The following TARBP1 variants were observed in gnomAD, a reference collection of about 807,000 sequenced individuals.
The protein encoded by TARBP1 is tRNA (guanosine(18)-2'-O)-methyltransferase TARBP1.
In TARBP1, 144 loss-of-function variants were observed where a neutral mutation model predicts 178.6. The observed-to-expected ratio is 0.81, with a 90% CI of 0.70 to 0.93. TARBP1 has a LOEUF of 0.93. Among genes scored for constraint, TARBP1 ranks in the 40% least tolerant of loss-of-function variants. The pLI, the probability that TARBP1 is intolerant of heterozygous loss-of-function variation, is 0.00. For missense variants in TARBP1, 2,067 were observed against 2,011.7 expected (o/e 1.03, Z -0.53); for synonymous variants, 787 against 781.0 (o/e 1.01, Z -0.13).
At chr1:234,443,254 C>A (rs1414520415) in intron 12 of TARBP1, among the ~76,000 whole-genome samples, 1 of 148,532 alleles carries the variant, frequency 6.7e-6, no homozygotes, top group African/African-American at 2.5e-5. Context: ...CGCACCATTG[C>A]ACTCCAGCCT....
Position 234,410,563 on chromosome 1 carries a change from T to C in TARBP1, c.3706-32A>G, listed in dbSNP as rs770644057. ...AAATAATCAGATAAACAAATATTGA[T>C]TCAAAGCTTACTGTGAAACATGCAC... On this transcript the variant is annotated intron_variant, in intron 22 of 29. Coordinates refer to ENST00000040877, the MANE Select transcript of TARBP1 (RefSeq NM_005646.4). 2.2e-6 allele frequency: 3 copies of C among 1,350,476 alleles called. No homozygotes were observed. In the Admixed American group the frequency reaches 5.6e-5, roughly 25 times the overall value. The allele number at this position is 1,350,476 out of a possible 1,614,324, so 83.7% of individuals were successfully genotyped here.
chr1:234,447,224 G>A lies in TARBP1; in HGVS notation c.1962-249C>T, dbSNP rs578015219. On this transcript the variant is annotated intron_variant, in intron 11 of 29. Coordinates refer to ENST00000040877, the MANE Select transcript of TARBP1 (RefSeq NM_005646.4). ...TTCAATGCCAGGCACCAGCAGGAAG[G>A]AAATCCTATACCCAATTAATGTGTA... Among the ~76,000 whole-genome samples the A allele has an allele frequency of 4.7e-3, 712 of 151,412 alleles. 5 individuals carry two copies. Among genetic ancestry groups the A allele is most frequent in the Non-Finnish European group, 7.6e-3 (516 of 67,934 alleles).
chr1:234,414,900 C>A (rs1662242728), intron 22 of TARBP1, among the ~76,000 whole-genome samples: 1 of 152,102 alleles, frequency 6.6e-6, no homozygotes, highest in African/African-American at 2.4e-5. Flanking sequence ...AGGAGAATTG[C>A]TTAAAGCTGG....
Position 234,478,346 on chromosome 1 carries a change from CGCGCGCCGCGG to C in TARBP1, c.747_757del (p.Ala252GlyfsTer64), listed in dbSNP as rs1052251665. ...GCGCCGGGCGTCCGGGCCCGCCTCG[CGCGCGCCGCGG>C]GCGCGGTCGCCGCCGGGCTCGGGCA... On this transcript the variant is annotated frameshift_variant, in exon 1 of 30. Coordinates refer to ENST00000040877, the MANE Select transcript of TARBP1 (RefSeq NM_005646.4). LOFTEE classifies it high-confidence loss of function. The C allele has an allele frequency of 3.1e-6, 4 of 1,275,618 alleles. No individual in the cohort carries two copies. The highest frequency in any genetic ancestry group is 3.1e-5 in the African/African-American group (2 of 63,792). The allele number at this position is 1,275,618 out of a possible 1,614,324, so 79.0% of individuals were successfully genotyped here.
intron 14 of TARBP1, among the ~76,000 whole-genome samples, chr1:234,432,434 C>G (rs1664548751): frequency 6.6e-6 from 1 of 152,064 alleles, no homozygotes; most frequent in Non-Finnish European, 1.5e-5. Context: ...GAGCGAGACT[C>G]TGTTCAAAAA....
Position 234,429,440 on chromosome 1 carries a change from A to G in TARBP1, c.2847T>C (p.His949=). The change falls in exon 16 of 30, where the codon CAT becomes CAC. Residue 949 remains histidine, a synonymous_variant. Coordinates refer to ENST00000040877, the MANE Select transcript of TARBP1 (RefSeq NM_005646.4). ...LSSDQVLPVF[H]CLKVLVPKLL... is the part of the protein sequence containing the mutation. ...CCTTGGGAACCAACACTTTCAAGCAATGGAACACTGGTAAAACTTGATCAG... is the reference window on the plus strand; with the variant it reads ...CCTTGGGAACCAACACTTTCAAGCAGTGGAACACTGGTAAAACTTGATCAG... The G allele has an allele frequency of 6.2e-7, 1 of 1,613,474 alleles. No individual in the cohort carries two copies. The highest frequency in any genetic ancestry group is 8.5e-7 in the Non-Finnish European group (1 of 1,179,788).
chr1:234,398,732 G>A (rs1660392011), intron 25 of TARBP1, among the ~76,000 whole-genome samples, 179 bp from the exon 26 acceptor site: 1 of 152,050 alleles, frequency 6.6e-6, no homozygotes, highest in Non-Finnish European at 1.5e-5. Context: ...CATCTTCTCA[G>A]AAATTAGGGG....
At chr1:234,461,233 A>G (rs1057208824) in intron 6 of TARBP1, among the ~76,000 whole-genome samples, 4 of 152,266 alleles carry the variant, frequency 2.6e-5, no homozygotes, top group South Asian at 2.1e-4. Context: ...CTAGTTTAGT[A>G]AGATAAGTAT....
chr1:234,477,785 G>C (rs990501908), intron 1 of TARBP1, among the ~76,000 whole-genome samples: 3 of 152,148 alleles, frequency 2.0e-5, no homozygotes, highest in Non-Finnish European at 4.4e-5. Context: ...CTAATTCACT[G>C]GTCAGTACAG....
chr1:234,461,603 G>A (rs756209840), intron 6 of TARBP1, among the ~76,000 whole-genome samples: 2 of 152,040 alleles, frequency 1.3e-5, no homozygotes, highest in East Asian at 1.9e-4. Context: ...CACCACACCC[G>A]GCCAGTAAAA....
Position 234,405,970 on chromosome 1 carries a change from C to T in TARBP1, c.3922G>A (p.Glu1308Lys). 3 of 1,614,190 alleles carry T rather than the reference C, an allele frequency of 1.9e-6. No individual in the cohort carries two copies. The highest frequency in any genetic ancestry group is 2.5e-6 in the Non-Finnish European group (3 of 1,180,028). ...WTVCKVLSVE[E>K]FDALTPVIES... Reference sequence around the variant, plus strand: ...ATCACAGGAGTCAGGGCATCAAATTCTTCAACACTTAACACTTTACACACA... The same window carrying T: ...ATCACAGGAGTCAGGGCATCAAATTTTTCAACACTTAACACTTTACACACA... Residue 1308 changes from glutamate (E) to lysine (K), a missense_variant, in exon 24 of 30, where the codon GAA (glutamate) becomes AAA (lysine). Transcript: ENST00000040877.
At chr1:234,399,536 G>A (rs1377719342) in intron 25 of TARBP1, among the ~76,000 whole-genome samples, 1 of 152,086 alleles carries the variant, frequency 6.6e-6, no homozygotes, top group African/African-American at 2.4e-5. Flanking sequence ...CCATTACTGG[G>A]TATATACACA....
rs1229185418 is a variant in TARBP1, at chr1:234,411,558, G to GC, written c.3706-1028dup. ...CAGAGGCAAACTTAAGGGAAAGGCA[G>GC]CAAGAGGAGACAAAGCCAGTTTGGC... On this transcript the variant is annotated intron_variant, in intron 22 of 29. Coordinates refer to ENST00000040877, the MANE Select transcript of TARBP1 (RefSeq NM_005646.4). Among the ~76,000 whole-genome samples the GC allele has an allele frequency of 2.0e-5, 3 of 152,326 alleles. No homozygotes were observed. In the East Asian group the frequency reaches 5.8e-4, roughly 29 times the overall value.
At chr1:234,448,270 A>C (rs140762272) in intron 11 of TARBP1, among the ~76,000 whole-genome samples, 6 of 152,320 alleles carry the variant, frequency 3.9e-5, no homozygotes, top group Admixed American at 1.3e-4. Context: ...TAAGTTTAAC[A>C]TTTAATTTAC....
At chr1:234,446,044 A>G (rs1215505073) in intron 12 of TARBP1, among the ~76,000 whole-genome samples, 2 of 137,256 alleles carry the variant, frequency 1.5e-5, no homozygotes, top group Non-Finnish European at 1.6e-5. Context: ...ATCATTATAA[A>G]AAAATATTTT....
intron 7 of TARBP1, among the ~76,000 whole-genome samples, 180 bp from the exon 8 acceptor site, chr1:234,459,506 G>A (rs977104311): frequency 5.9e-5 from 9 of 152,040 alleles, no homozygotes; most frequent in Non-Finnish European, 2.9e-5. Context: ...TATGAAACAA[G>A]TCTCTTTTAA....
At chr1:234,401,876 G>A (rs1015079294) in intron 24 of TARBP1, among the ~76,000 whole-genome samples, 6 of 152,038 alleles carry the variant, frequency 3.9e-5, no homozygotes, top group African/African-American at 1.4e-4. Context: ...CACATCACAG[G>A]AGACAGGAGT....
intron 3 of TARBP1, among the ~76,000 whole-genome samples, chr1:234,469,479 A>T (rs1668829184): frequency 3.9e-5 from 6 of 152,230 alleles, no homozygotes; most frequent in Admixed American, 3.9e-4. Context: ...ACAAGATTCA[A>T]TTAAATTCTA....
intron 23 of TARBP1, chr1:234,407,654 A>C (rs1229115128): frequency 6.6e-6 from 1 of 152,142 alleles, no homozygotes; most frequent in African/African-American, 2.4e-5. Flanking sequence ...TGATTCAATC[A>C]TTTATTTATA....
Sources: allele counts gnomAD v4.1 joint callset (sites outside exome capture counted in the v4.1 genomes callset), GRCh38; gene constraint gnomAD v4.1.1; transcripts MANE v1.5; gene names NCBI Gene and HGNC (gene_info 2026-07-23, HGNC 2026-07-21).